Variants in SFXN1 observed in about 807,000 individuals in gnomAD.
SFXN1 encodes sideroflexin-1.
In SFXN1, 32 loss-of-function variants were observed where a neutral mutation model predicts 39.5. The ratio of observed to expected loss-of-function variants is 0.81; its 90% CI spans 0.61 to 1.09. The LOEUF is 1.09. Among genes scored for constraint, SFXN1 ranks in the 50% least tolerant of loss-of-function variants. The pLI is 0.00. For missense variants in SFXN1, 402 were observed against 407.1 expected (o/e 0.99, Z 0.11); for synonymous variants, 136 against 146.5 (o/e 0.93, Z 0.52).
At chr5:175,522,330 T>A in intron 9 of SFXN1, 45 bp from the exon 10 acceptor site, 2 of 1,533,390 alleles carry the variant, frequency 1.3e-6, no homozygotes, top group South Asian at 2.4e-5. Context: ...AAGCTGAAAA[T>A]TAACCATTTA....
At position 175,513,471 on chromosome 5, in the gene SFXN1, A is replaced by G. The variant is rs1760599524; in HGVS notation, c.605A>G (p.Lys202Arg). Residue 202 changes from lysine to arginine, a missense_variant, in exon 7 of 11, where the codon AAA becomes AGA. Coordinates refer to ENST00000321442, the MANE Select transcript of SFXN1 (RefSeq NM_022754.7). Reference protein sequence around the residue: ...NIPLMRQRELKVGIPVTDENG... With the variant: ...NIPLMRQRELRVGIPVTDENG... Reference sequence around the variant, plus strand: ...TGTGTTTTGCTCTGCAGGGAACTCAAAGTTGGCATTCCCGTCACGGATGAG... The same window carrying G: ...TGTGTTTTGCTCTGCAGGGAACTCAGAGTTGGCATTCCCGTCACGGATGAG... The G allele has an allele frequency of 6.2e-7, 1 of 1,613,766 alleles. No individual in the cohort carries two copies. Among genetic ancestry groups the G allele is most frequent in the East Asian group, 2.2e-5 (1 of 44,844 alleles).
chr5:175,518,665 G>A (rs780038924), intron 8 of SFXN1, among the ~76,000 whole-genome samples: 6 of 152,220 alleles, frequency 3.9e-5, no homozygotes, highest in Non-Finnish European at 5.9e-5. Context: ...AGTACACAGA[G>A]CATGAATTGT....
At chr5:175,481,909 A>G (rs1397578293) in intron 1 of SFXN1, among the ~76,000 whole-genome samples, 1 of 152,200 alleles carries the variant, frequency 6.6e-6, no homozygotes, top group African/African-American at 2.4e-5. Context: ...AGCCCAACAG[A>G]AATCAGGGAA....
At chr5:175,514,133 G>A (rs913291796) in intron 7 of SFXN1, among the ~76,000 whole-genome samples, 3 of 152,146 alleles carry the variant, frequency 2.0e-5, no homozygotes, top group Non-Finnish European at 4.4e-5. Context: ...TTGAGAATAG[G>A]CTGAAGGAGA....
At chr5:175,495,574 C>T (rs945986494) in intron 2 of SFXN1, among the ~76,000 whole-genome samples, 9 of 151,860 alleles carry the variant, frequency 5.9e-5, no homozygotes, top group Non-Finnish European at 1.3e-4. Flanking sequence ...TCTAAAAATA[C>T]AAAAATTAGC....
At chr5:175,493,964 C>T (rs750997086) in intron 2 of SFXN1, among the ~76,000 whole-genome samples, 2 of 152,038 alleles carry the variant, frequency 1.3e-5, no homozygotes, top group Non-Finnish European at 2.9e-5. Context: ...CAGGCCAGGC[C>T]GTGGACTGGT....
Position 175,506,354 on chromosome 5 carries a change from A to G in SFXN1, c.165-2678A>G, listed in dbSNP as rs187620731. Among the ~76,000 whole-genome samples the G allele has an allele frequency of 3.5e-4, 53 of 152,322 alleles. 3 individuals are homozygous for G. In the East Asian group the frequency reaches 9.8e-3, roughly 28 times the overall value. On this transcript the variant is annotated intron_variant, in intron 2 of 10. Transcript: ENST00000321442. ...TATAAAATACGCGTACAAATTACAT[A>G]AATAACAATGATGCTGCTGTGGATG... is the stretch of plus-strand genomic sequence containing the variant.
chr5:175,526,238 T>G (rs1400832064), intron 10 of SFXN1, among the ~76,000 whole-genome samples: 1 of 152,098 alleles, frequency 6.6e-6, no homozygotes, highest in Non-Finnish European at 1.5e-5. Context: ...TGTTATGCAT[T>G]TCACTGATTG....
At chr5:175,516,729 A>G (rs961511502) in intron 8 of SFXN1, 66 bp downstream of exon 8, 16 of 1,532,246 alleles carry the variant, frequency 1.0e-5, no homozygotes, top group Non-Finnish European at 1.3e-5. Context: ...CAAACCGTAT[A>G]GATTATTTGC....
rs115527363 is a variant in SFXN1 at position 175,529,619 on chromosome 5, G to C, written c.*2885G>C. 6.6e-6 allele frequency: 1 copy of C among 152,208 alleles called. No homozygotes were observed. 9.4% of individuals were successfully genotyped at this position (152,208 alleles called of 1,614,324 possible). On this transcript the variant is annotated 3_prime_UTR_variant, in exon 11 of 11. Coordinates refer to ENST00000321442, the MANE Select transcript of SFXN1 (RefSeq NM_022754.7). ...TAACATGATACAAAGGATGATGATT[G>C]TAAGTGTTTACTGACTGGCAGCTTT...
At position 175,522,388 on chromosome 5, in the gene SFXN1, A is replaced by G. The variant is rs1207782748; in HGVS notation, c.838A>G (p.Thr280Ala). 4 of 1,599,178 alleles carry G rather than the reference A, an allele frequency of 2.5e-6. No individual in the cohort carries two copies. The highest frequency in any genetic ancestry group is 2.7e-5 in the African/African-American group (2 of 73,948). Residue 280 changes from threonine to alanine, a missense_variant, in exon 10 of 11, where the codon ACA becomes GCA. By Grantham distance (58) the Thr-to-Ala change is moderately conservative. Transcript: ENST00000321442. ...ATTTTTTTTAAGTTTGGTGTTTGCTACACCCCTGTGTTGTGCCCTGTTTCC... is the reference window on the plus strand; with the variant it reads ...ATTTTTTTTAAGTTTGGTGTTTGCTGCACCCCTGTGTTGTGCCCTGTTTCC... ...GLVGFCLVFA[T>A]PLCCALFPQK...
chr5:175,527,979 G>A lies in SFXN1; in HGVS notation c.*1245G>A, dbSNP rs1344333191. 1 of 149,570 alleles carries A rather than the reference G, an allele frequency of 6.7e-6. No homozygotes were observed. The highest frequency in any genetic ancestry group is 2.5e-5 in the African/African-American group (1 of 40,094). The allele number at this position is 149,570 out of a possible 1,614,324, so 9.3% of individuals were successfully genotyped here. ...CTGTCACCCAGGCTGGAGTGCAGTG[G>A]CGTAGTCTCGGCTCACTGCAAGCTC... On this transcript the variant is annotated 3_prime_UTR_variant, in exon 11 of 11. Transcript: ENST00000321442.
Position 175,528,352 on chromosome 5 carries a change from T to C in SFXN1, c.*1618T>C, listed in dbSNP as rs779092476. The C allele has an allele frequency of 3.9e-5, 6 of 152,188 alleles. No individual in the cohort carries two copies. Among genetic ancestry groups the C allele is most frequent in the Non-Finnish European group, 7.3e-5 (5 of 68,038 alleles). The allele number at this position is 152,188 out of a possible 1,614,324, so 9.4% of individuals were successfully genotyped here. On this transcript the variant is annotated 3_prime_UTR_variant, in exon 11 of 11. Coordinates refer to ENST00000321442, the MANE Select transcript of SFXN1 (RefSeq NM_022754.7). ...AGCAATCTAGAGATGATTTAGCAAG[T>C]ATACAGGAGGATGTGCCTAGGTTAT...
At position 175,492,241 on chromosome 5, in the gene SFXN1, T is replaced by C. The variant is rs767935091; in HGVS notation, c.138T>C (p.Ser46=). 1.2e-6 allele frequency: 2 copies of C among 1,611,774 alleles called. No homozygotes were observed. The highest frequency in any genetic ancestry group is 4.5e-5 in the East Asian group (2 of 44,776). The change falls in exon 2 of 11, where the codon AGT becomes AGC. Residue 46 remains serine (S), a synonymous_variant. Coordinates refer to ENST00000321442, the MANE Select transcript of SFXN1 (RefSeq NM_022754.7). ...NILLTNEQLE[S]ARKIVHDYRQ... Reference sequence around the variant, plus strand: ...TGTTAACCAACGAACAACTCGAGAGTGCGAGAAAAATAGTACATGATTACA... The same window carrying C: ...TGTTAACCAACGAACAACTCGAGAGCGCGAGAAAAATAGTACATGATTACA...
At chr5:175,505,586 C>G (rs1760263254) in intron 2 of SFXN1, among the ~76,000 whole-genome samples, 1 of 121,084 alleles carries the variant, frequency 8.3e-6, no homozygotes, top group Non-Finnish European at 2.0e-5. Flanking sequence ...TAAGGTTTAT[C>G]TGGGAGAATA....
intron 2 of SFXN1, chr5:175,492,537 G>T: frequency 3.6e-6 from 1 of 275,332 alleles, no homozygotes; most frequent in Non-Finnish European, 6.7e-6. Flanking sequence ...CTGGCAGCTT[G>T]CCTTCTGTTC....
Position 175,493,352 on chromosome 5 carries a change from A to G in SFXN1, c.164+1085A>G, listed in dbSNP as rs541225980. The stretch of plus-strand genomic sequence containing the variant: ...TGACTCCTGCACTGGGGGAAAGTCA[A>G]TCCAAAGCTGGGGATTGGATTGCTA... On this transcript the variant is annotated intron_variant, in intron 2 of 10. Transcript: ENST00000321442. Among the ~76,000 whole-genome samples, 5 of 152,344 alleles carry G rather than the reference A, an allele frequency of 3.3e-5. No homozygotes were observed. In the East Asian group the frequency reaches 5.8e-4, roughly 18 times the overall value.
intron 7 of SFXN1, among the ~76,000 whole-genome samples, chr5:175,514,271 T>C (rs1347999277): frequency 6.6e-6 from 1 of 152,126 alleles, no homozygotes; most frequent in Non-Finnish European, 1.5e-5. Flanking sequence ...CAAATTGGAA[T>C]GGTTAGAGCA....
chr5:175,528,792 C>T lies in SFXN1; in HGVS notation c.*2058C>T, dbSNP rs910209585. 16 of 152,230 alleles carry T rather than the reference C, an allele frequency of 1.1e-4. No homozygotes were observed. Among genetic ancestry groups the T allele is most frequent in the Non-Finnish European group, 1.8e-4 (12 of 68,032 alleles). The allele number at this position is 152,230 out of a possible 1,614,324, so 9.4% of individuals were successfully genotyped here. A position where few individuals can be genotyped will look rare whatever the true frequency, so the allele number is the denominator to read the frequency against. Reference sequence around the variant, plus strand: ...TGGACAGATTCTGTTGTCCTCGACGCGTCTCTTTATAAAGTGGTAAAAGCC... The same window carrying T: ...TGGACAGATTCTGTTGTCCTCGACGTGTCTCTTTATAAAGTGGTAAAAGCC... On this transcript the variant is annotated 3_prime_UTR_variant, in exon 11 of 11. Transcript: ENST00000321442.
Sources: gnomAD v4.1 joint callset for allele counts (sites outside exome capture counted in the v4.1 genomes callset) on GRCh38, gnomAD v4.1.1 for gene constraint, MANE v1.5 for transcripts, NCBI Gene and HGNC (gene_info 2026-07-23, HGNC 2026-07-21) for gene names.